ZRANB3: variants seen among roughly 807,000 people sequenced by gnomAD.
ZRANB3 encodes DNA annealing helicase and endonuclease ZRANB3.
A neutral mutation model predicts 133.8 loss-of-function variants in ZRANB3; 125 were observed. The observed-to-expected ratio is 0.93, with a 90% CI of 0.81 to 1.08. ZRANB3 has a LOEUF of 1.08. Among genes scored for constraint, ZRANB3 ranks in the 50% least tolerant of loss-of-function variants. The pLI, the probability that ZRANB3 is intolerant of heterozygous loss-of-function variation, is 0.00. For missense variants in ZRANB3, 1,229 were observed against 1,275.5 expected, an observed-to-expected ratio of 0.96 and a Z score of 0.56; for synonymous variants, 387 against 432.7, an observed-to-expected ratio of 0.89 and a Z score of 1.31.
chr2:135,315,848 G>A (rs1298641454), intron 6 of ZRANB3, among the ~76,000 whole-genome samples: 1 of 152,092 alleles, frequency 6.6e-6, no homozygotes, highest in East Asian at 1.9e-4. Flanking sequence ...ATTTTGAGTG[G>A]GCTCACACAT....
At chr2:135,268,422 C>T (rs1447358389) in intron 11 of ZRANB3, among the ~76,000 whole-genome samples, 1 of 152,178 alleles carries the variant, frequency 6.6e-6, no homozygotes, top group Non-Finnish European at 1.5e-5. Flanking sequence ...CCATCTCGAC[C>T]TCCCAAAGTG....
At chr2:135,516,528 C>T (rs537698933) in intron 1 of ZRANB3, among the ~76,000 whole-genome samples, 14 of 152,268 alleles carry the variant, frequency 9.2e-5, no homozygotes, top group African/African-American at 3.4e-4. Context: ...ACTTTTGAAG[C>T]TTAGTTTGGC....
rs1234091934 is a variant in ZRANB3, at chr2:135,383,509, A to G, written c.180+7293T>C. 2.0e-5 allele frequency among the ~76,000 whole-genome samples: 3 copies of G among 152,210 alleles called. No homozygotes were observed. The East Asian group carries it at 5.8e-4, about 29-fold the overall frequency. The stretch of plus-strand genomic sequence containing the variant: ...CACCAAGCGGACCTAATAGACATCT[A>G]CAGAACTCTCCACCCCAAATCAACA... On this transcript the variant is annotated intron_variant, in intron 3 of 20. Coordinates refer to ENST00000264159, the MANE Select transcript of ZRANB3 (RefSeq NM_032143.4).
chr2:135,216,884 T>C (rs998599850), intron 17 of ZRANB3, among the ~76,000 whole-genome samples: 2 of 152,130 alleles, frequency 1.3e-5, no homozygotes, highest in Non-Finnish European at 2.9e-5. Context: ...ATAAAGATGA[T>C]TGTGATGACA....
chr2:135,372,159 C>G (rs1000165202), intron 3 of ZRANB3, among the ~76,000 whole-genome samples: 1 of 140,130 alleles, frequency 7.1e-6, no homozygotes, highest in Non-Finnish European at 1.5e-5. Flanking sequence ...GAGCAAGACT[C>G]TGTCTCAAAA....
chr2:135,354,627 C>T (rs1002754917), intron 3 of ZRANB3, among the ~76,000 whole-genome samples: 2 of 152,186 alleles, frequency 1.3e-5, no homozygotes, highest in Admixed American at 1.3e-4. Flanking sequence ...CTCTACACAA[C>T]ATGAATACAT....
At chr2:135,301,605 G>A (rs908928680) in intron 8 of ZRANB3, among the ~76,000 whole-genome samples, 17 of 152,046 alleles carry the variant, frequency 1.1e-4, no homozygotes, top group African/African-American at 3.9e-4. Context: ...ATGTCTTTCC[G>A]GTTATTCTGT....
chr2:135,198,446 C>T lies in ZRANB3; in HGVS notation c.*1896G>A, dbSNP rs1322711999. On this transcript the variant is annotated 3_prime_UTR_variant, in exon 21 of 21. Transcript: ENST00000264159. ...CCTGTACAGCAAATGCTCAATGCTC[C>T]TTACGGCATTTTTAATTAGTCAGAA... 1 of 152,218 alleles carries T rather than the reference C, an allele frequency of 6.6e-6. No homozygotes were observed. The highest frequency in any genetic ancestry group is 1.5e-5 in the Non-Finnish European group (1 of 68,058). The allele number at this position is 152,218 out of a possible 1,614,324, so 9.4% of individuals were successfully genotyped here. A position where few individuals can be genotyped will look rare whatever the true frequency, so the allele number is the denominator to read the frequency against.
intron 5 of ZRANB3, among the ~76,000 whole-genome samples, chr2:135,346,659 A>G (rs1489017622): frequency 6.6e-6 from 1 of 152,146 alleles, no homozygotes; most frequent in Non-Finnish European, 1.5e-5. Context: ...GTTGCCCAGT[A>G]AGAAGATTAT....
chr2:135,527,743 C>T (rs1694220355), intron 1 of ZRANB3, among the ~76,000 whole-genome samples: 1 of 152,142 alleles, frequency 6.6e-6, no homozygotes, highest in South Asian at 2.1e-4. Context: ...CCATAGCCCA[C>T]TGTTGCAAGT....
At chr2:135,286,288 T>C (rs1573831901) in intron 8 of ZRANB3, among the ~76,000 whole-genome samples, 2 of 152,274 alleles carry the variant, frequency 1.3e-5, no homozygotes. Flanking sequence ...CATTTTCTTT[T>C]TCTTTTTGAG....
At chr2:135,388,517 C>T (rs1466932163) in intron 3 of ZRANB3, among the ~76,000 whole-genome samples, 1 of 152,118 alleles carries the variant, frequency 6.6e-6, no homozygotes, top group Non-Finnish European at 1.5e-5. Flanking sequence ...ATAAAGGATG[C>T]TGTTTGTTAC....
In ZRANB3 at chr2:135,305,239, C is replaced by T. The variant is rs1383542090; in HGVS notation, c.966+8250G>A. On this transcript the variant is annotated intron_variant, in intron 8 of 20. Coordinates refer to ENST00000264159, the MANE Select transcript of ZRANB3 (RefSeq NM_032143.4). ...CCTCCCAAAGTGCTGGGATTACAGGCGTGAGCCACTGTGCCTGGCCCCTTT... is the reference window on the plus strand; with the variant it reads ...CCTCCCAAAGTGCTGGGATTACAGGTGTGAGCCACTGTGCCTGGCCCCTTT... Among the ~76,000 whole-genome samples, 3 of 152,318 alleles carry T rather than the reference C, an allele frequency of 2.0e-5. No individual in the cohort carries two copies. In the East Asian group the frequency reaches 5.8e-4, roughly 29 times the overall value.
chr2:135,455,171 C>CTT (rs1166170814), intron 2 of ZRANB3, among the ~76,000 whole-genome samples: 1,382 of 37,568 alleles, frequency 0.037, 160 homozygotes, highest in East Asian at 0.078. Context: ...CCTTCTTATA[C>CTT]TTTTTTTTTT....
intron 3 of ZRANB3, among the ~76,000 whole-genome samples, chr2:135,376,790 T>C (rs1686449070): frequency 6.6e-6 from 1 of 152,180 alleles, no homozygotes. Context: ...TTTGTGAAAA[T>C]CCATTGAACT....
intron 2 of ZRANB3, among the ~76,000 whole-genome samples, chr2:135,480,066 T>C (rs968420699): frequency 6.6e-6 from 1 of 151,728 alleles, no homozygotes; most frequent in Non-Finnish European, 1.5e-5. Flanking sequence ...CCAAGGTAGC[T>C]GGGACTACAG....
chr2:135,435,833 G>T (rs1271165607), intron 2 of ZRANB3, among the ~76,000 whole-genome samples: 2 of 151,860 alleles, frequency 1.3e-5, no homozygotes, highest in African/African-American at 4.8e-5. Context: ...TTTTAATGGG[G>T]TTATTTTTCT....
chr2:135,405,669 C>T (rs147310547), intron 2 of ZRANB3, among the ~76,000 whole-genome samples: 4,832 of 152,262 alleles, frequency 0.032, 248 homozygotes, highest in African/African-American at 0.11. Flanking sequence ...AAGAAATTCA[C>T]TCAAATCCGC....
chr2:135,509,367 G>C (rs916915392), intron 1 of ZRANB3, among the ~76,000 whole-genome samples: 10 of 152,104 alleles, frequency 6.6e-5, no homozygotes, highest in African/African-American at 2.4e-4. Context: ...TTTAGAATAA[G>C]GTATAACAAA....
Sources: gnomAD v4.1 joint callset for allele counts (sites outside exome capture counted in the v4.1 genomes callset) on GRCh38, gnomAD v4.1.1 for gene constraint, MANE v1.5 for transcripts, NCBI Gene and HGNC (gene_info 2026-07-23, HGNC 2026-07-21) for gene names.